Variants in DNMT3B observed in about 807,000 individuals in gnomAD.
DNMT3B encodes DNA (cytosine-5)-methyltransferase 3B.
Under a neutral mutation model 120.2 loss-of-function variants are expected in DNMT3B, and 37 were observed. The ratio of observed to expected loss-of-function variants is 0.31; its 90% CI spans 0.24 to 0.40. The LOEUF is 0.40. Ranked by LOEUF, DNMT3B falls within the 10% of genes least tolerant of loss-of-function variation. The pLI is 1.00. For missense variants in DNMT3B, 878 were observed against 1,137.3 expected, an observed-to-expected ratio of 0.77 and a Z score of 3.28; for synonymous variants, 412 against 442.8, an observed-to-expected ratio of 0.93 and a Z score of 0.87.
At chr20:32,801,574 T>G in intron 19 of DNMT3B, 148 bp downstream of exon 19, 2 of 1,073,558 alleles carry the variant, frequency 1.9e-6, no homozygotes, top group East Asian at 5.1e-5. Flanking sequence ...TTCAGTGGGT[T>G]CTCTTAGTAC....
intron 3 of DNMT3B, among the ~76,000 whole-genome samples, chr20:32,783,901 T>C (rs2145926292): frequency 1.5e-5 from 2 of 130,390 alleles, no homozygotes; most frequent in Admixed American, 1.6e-4. Context: ...AACTTTTGTA[T>C]TTGTATTTGT....
At chr20:32,768,533 C>T (rs1987526023) in intron 1 of DNMT3B, among the ~76,000 whole-genome samples, 1 of 151,974 alleles carries the variant, frequency 6.6e-6, no homozygotes, top group South Asian at 2.1e-4. Context: ...CGGTATGTTG[C>T]CCAGGCTGGT....
chr20:32,809,209 T>C lies in DNMT3B; in HGVS notation c.*1306T>C, dbSNP rs995264863. ...CTATTTTTATGTTTAACGTTTTCAT[T>C]AAAATTTTTTTTGTAACTGGAGCCA... On this transcript the variant is annotated 3_prime_UTR_variant, in exon 23 of 23. Transcript: ENST00000328111. 1.2e-5 allele frequency: 2 copies of C among 164,206 alleles called. No homozygotes were observed. The highest frequency in any genetic ancestry group is 2.0e-5 in the Non-Finnish European group (2 of 98,598). The allele number at this position is 164,206 out of a possible 1,614,324, so 10.2% of individuals were successfully genotyped here.
rs1184306136 is a variant in DNMT3B, at chr20:32,781,409, A to G, written c.199A>G (p.Thr67Ala). Residue 67 changes from threonine to alanine, a missense_variant, in exon 3 of 23, where the codon ACA becomes GCA. Coordinates refer to ENST00000328111, the MANE Select transcript of DNMT3B (RefSeq NM_006892.4). ...GGAGGTGTCCAGTCTGCTAAGCTAC[A>G]CACAGGTATGGTCTCTGCTCTCCCT... ...KREVSSLLSY[T>A]QDLTGDGDGE... is the part of the protein sequence containing the mutation. The G allele has an allele frequency of 6.2e-7, 1 of 1,614,174 alleles. No homozygotes were observed. Among genetic ancestry groups the G allele is most frequent in the Non-Finnish European group, 8.5e-7 (1 of 1,180,028 alleles).
chr20:32,793,675 G>GGAAAA, intron 10 of DNMT3B, 80 bp downstream of exon 10: 1 of 1,514,800 alleles, frequency 6.6e-7, no homozygotes, highest in Middle Eastern at 1.7e-4. Flanking sequence ...AATGGTCACT[G>GGAAAA]GAAAAGAATC....
chr20:32,801,478 G>T, intron 19 of DNMT3B, 52 bp downstream of exon 19: 1 of 1,610,376 alleles, frequency 6.2e-7, no homozygotes, highest in Non-Finnish European at 8.5e-7. Flanking sequence ...CAGGGAAAGC[G>T]CTGCTGGCAG....
Position 32,808,000 on chromosome 20 carries a change from C to T in DNMT3B, c.*97C>T. 1.3e-6 allele frequency: 2 copies of T among 1,598,800 alleles called. No homozygotes were observed. Among genetic ancestry groups the T allele is most frequent in the Admixed American group, 3.4e-5 (2 of 59,406 alleles). Reference sequence around the variant, plus strand: ...ATCCCCAGGCCCTGCTCTTCCTCAGCTGTGTGGGTCATACCGTGTACCTCA... The same window carrying T: ...ATCCCCAGGCCCTGCTCTTCCTCAGTTGTGTGGGTCATACCGTGTACCTCA... On this transcript the variant is annotated 3_prime_UTR_variant, in exon 23 of 23. Coordinates refer to ENST00000328111, the MANE Select transcript of DNMT3B (RefSeq NM_006892.4).
chr20:32,787,508 A>C, intron 6 of DNMT3B, 57 bp downstream of exon 6: 2 of 1,557,184 alleles, frequency 1.3e-6, no homozygotes, highest in Non-Finnish European at 1.7e-6. Flanking sequence ...CACGGGGAAA[A>C]ACCAGTTACC....
intron 1 of DNMT3B, among the ~76,000 whole-genome samples, chr20:32,769,624 C>T (rs1987595803): frequency 6.6e-6 from 1 of 152,096 alleles, no homozygotes; most frequent in Admixed American, 6.6e-5. Flanking sequence ...CTTTTAAAGC[C>T]ATTTGTATAT....
Position 32,805,368 on chromosome 20 carries a change from C to G in DNMT3B, c.2262C>G (p.Leu754=), listed in dbSNP as rs1249083500. 1.2e-6 allele frequency: 2 copies of G among 1,614,068 alleles called. No homozygotes were observed. The highest frequency in any genetic ancestry group is 1.1e-5 in the South Asian group (1 of 91,072). The change falls in exon 21 of 23, where the codon CTC becomes CTG. Residue 754 remains leucine (L), a synonymous_variant. Coordinates refer to ENST00000328111, the MANE Select transcript of DNMT3B (RefSeq NM_006892.4). ...RPVIASKNDK[L]ELQDCLEYNR... is the part of the protein sequence containing the mutation. ...TGATAGCATCAAAGAATGATAAACT[C>G]GAGCTGCAGGACTGCTTGGAATACA...
chr20:32,802,760 G>C (rs1235944616), intron 20 of DNMT3B, among the ~76,000 whole-genome samples: 2 of 152,200 alleles, frequency 1.3e-5, no homozygotes, highest in East Asian at 3.9e-4. Context: ...AGCACTTTGG[G>C]AGGCCGAGGC....
At chr20:32,792,047 C>CA (rs1365147191) in intron 8 of DNMT3B, among the ~76,000 whole-genome samples, 8 of 152,114 alleles carry the variant, frequency 5.3e-5, no homozygotes, top group Non-Finnish European at 8.8e-5. Flanking sequence ...CAGTGGAGGC[C>CA]AGCTGTCTTC....
chr20:32,793,555 G>A lies in DNMT3B; in HGVS notation c.1086G>A (p.Val362=), dbSNP rs1390552222. 1.2e-6 allele frequency: 2 copies of A among 1,614,194 alleles called. No homozygotes were observed. Among genetic ancestry groups the A allele is most frequent in the Non-Finnish European group, 1.7e-6 (2 of 1,180,044 alleles). ...NTQPVVNKSK[V]RRAGSRKLES... ...CAAAAGTGGTTAATAAGTCGAAGGT[G>A]CGTCGTGCAGGCAGTAGGAAATTAG... is the stretch of plus-strand genomic sequence containing the variant. Residue 362 remains valine (V), a synonymous_variant, in exon 10 of 23, where the codon GTG becomes GTA. Transcript: ENST00000328111.
chr20:32,799,455 A>C, intron 16 of DNMT3B, 127 bp downstream of exon 16: 4 of 1,045,196 alleles, frequency 3.8e-6, no homozygotes, highest in Middle Eastern at 2.1e-4. Flanking sequence ...CCAGCCCTGA[A>C]AAAAACCCTG....
Position 32,762,451 on chromosome 20 carries a change from C to T in DNMT3B, c.-255C>T, listed in dbSNP as rs1161533020. The T allele has an allele frequency of 6.2e-6, 1 of 160,866 alleles. No individual in the cohort carries two copies. The highest frequency in any genetic ancestry group is 2.4e-5 in the African/African-American group (1 of 41,464). The allele number at this position is 160,866 out of a possible 1,614,324, so 10.0% of individuals were successfully genotyped here. On this transcript the variant is annotated 5_prime_UTR_variant, in exon 1 of 23. Transcript: ENST00000328111. Reference sequence around the variant, plus strand: ...CAGCAGCTGCTCCCGGCTCCGCGGCCGCAGCCCGCGTGGACGCTCCGAGCG... The same window carrying T: ...CAGCAGCTGCTCCCGGCTCCGCGGCTGCAGCCCGCGTGGACGCTCCGAGCG...
chr20:32,774,837 G>T (rs61550454), intron 1 of DNMT3B, among the ~76,000 whole-genome samples: 4,472 of 152,048 alleles, frequency 0.029, 212 homozygotes, highest in African/African-American at 0.1. Flanking sequence ...ATCCTGCCCA[G>T]CCTCCTGAGT....
In DNMT3B at chr20:32,806,326, A is replaced by C; in HGVS notation, c.2419A>C (p.Arg807=). The change falls in exon 22 of 23, where the codon AGG becomes CGG. Residue 807 remains arginine, a splice_region_variant and synonymous_variant. Coordinates refer to ENST00000328111, the MANE Select transcript of DNMT3B (RefSeq NM_006892.4). ...EDVLWCTELE[R]IFGFPVHYTD... The stretch of plus-strand genomic sequence containing the variant: ...TGTTTTGTGGTGCACTGAGCTCGAA[A>C]GGTGAGCAAGGCTGCACTTGGAGAG... 1.2e-6 allele frequency: 2 copies of C among 1,614,098 alleles called. No homozygotes were observed. The highest frequency in any genetic ancestry group is 1.7e-6 in the Non-Finnish European group (2 of 1,179,922).
chr20:32,782,939 T>G (rs1014060346), intron 3 of DNMT3B, among the ~76,000 whole-genome samples: 4 of 152,188 alleles, frequency 2.6e-5, no homozygotes, highest in African/African-American at 7.2e-5. Flanking sequence ...TTTTATTCAT[T>G]TATTTTTGAG....
intron 2 of DNMT3B, among the ~76,000 whole-genome samples, chr20:32,780,706 T>G (rs1340970184): frequency 1.3e-5 from 2 of 152,148 alleles, no homozygotes; most frequent in African/African-American, 2.4e-5. Context: ...GGGTGATGGT[T>G]CCCTGTCCTC....
Sources: allele counts gnomAD v4.1 joint callset (sites outside exome capture counted in the v4.1 genomes callset), GRCh38; gene constraint gnomAD v4.1.1; transcripts MANE v1.5; gene names NCBI Gene and HGNC (gene_info 2026-07-23, HGNC 2026-07-21).